ELK3: variants seen among roughly 807,000 people sequenced by gnomAD.
ELK3 encodes the protein ETS transcription factor ELK3, also known as ETS domain-containing protein Elk-3.
Under a neutral mutation model 28.9 loss-of-function variants are expected in ELK3, and 10 were observed. The ratio of observed to expected loss-of-function variants is 0.35; its 90% CI spans 0.21 to 0.59. The LOEUF is 0.59. Ranked by LOEUF, ELK3 falls within the 20% of genes least tolerant of loss-of-function variation. The pLI, the probability that ELK3 is intolerant of heterozygous loss-of-function variation, is 0.82. For missense variants in ELK3, 463 were observed against 517.3 expected, an observed-to-expected ratio of 0.90 and a Z score of 1.02; for synonymous variants, 272 against 243.5, an observed-to-expected ratio of 1.12 and a Z score of -1.09.
intron 1 of ELK3, among the ~76,000 whole-genome samples, chr12:96,207,809 AAAAG>A: frequency 6.6e-6 from 1 of 152,224 alleles, no homozygotes. Context: ...AAACTTCAGA[AAAAG>A]AAAGAAAAGA....
At chr12:96,194,733 T>A (rs1360447987) in intron 1 of ELK3, 28 bp downstream of exon 1, 1 of 148,248 alleles carries the variant, frequency 6.7e-6, no homozygotes, top group Admixed American at 6.7e-5. Flanking sequence ...TGCCTGTTGC[T>A]CGGACACTTA....
At chr12:96,258,369 A>G (rs1374407577) in intron 3 of ELK3, among the ~76,000 whole-genome samples, 2 of 152,266 alleles carry the variant, frequency 1.3e-5, no homozygotes, top group Non-Finnish European at 2.9e-5. Context: ...ATGTGTTTAC[A>G]TTTCAGCAGC....
intron 2 of ELK3, among the ~76,000 whole-genome samples, chr12:96,245,767 G>C (rs753089364): frequency 1.2e-4 from 18 of 152,180 alleles, no homozygotes; most frequent in Non-Finnish European, 2.2e-4. Context: ...CAGTGGGTTC[G>C]GCAGGGAATT....
At chr12:96,252,948 A>G (rs1336915840) in intron 3 of ELK3, among the ~76,000 whole-genome samples, 1 of 152,250 alleles carries the variant, frequency 6.6e-6, no homozygotes, top group East Asian at 1.9e-4. Context: ...CATGCCATAG[A>G]GAAATCTTTC....
At position 96,210,558 on chromosome 12, in the gene ELK3, G is replaced by GGC. The variant is rs751761668; in HGVS notation, c.-2-13004_-2-13003dup. On this transcript the variant is annotated intron_variant, in intron 1 of 4. Coordinates refer to ENST00000228741, the MANE Select transcript of ELK3 (RefSeq NM_005230.4). ...ATCCTGTTCCACCGCCCTGCGCGCG[G>GGC]GCGCACGCACACACACACACACACA... is the stretch of plus-strand genomic sequence containing the variant. 2.1e-3 allele frequency among the ~76,000 whole-genome samples: 128 copies of GGC among 62,138 alleles called. 1 individual carries two copies. The highest frequency in any genetic ancestry group is 0.021 in the Middle Eastern group (2 of 96). The allele number at this position is 62,138 out of a possible 152,430, so 40.8% of individuals were successfully genotyped here. A position where few individuals can be genotyped will look rare whatever the true frequency, so the allele number is the denominator to read the frequency against.
intron 1 of ELK3, among the ~76,000 whole-genome samples, chr12:96,215,311 T>C (rs1314670564): frequency 1.3e-5 from 2 of 152,182 alleles, no homozygotes; most frequent in African/African-American, 4.8e-5. Flanking sequence ...AAAAACCTCA[T>C]ACTTTGCATA....
chr12:96,218,913 G>T (rs1951642019), intron 1 of ELK3, among the ~76,000 whole-genome samples: 1 of 152,166 alleles, frequency 6.6e-6, no homozygotes, highest in Non-Finnish European at 1.5e-5. Flanking sequence ...CTCGCAAAGT[G>T]CTGGGATTAC....
In ELK3 at chr12:96,239,026, C is replaced by T. The variant is rs372743487; in HGVS notation, c.208-7914C>T. Among the ~76,000 whole-genome samples the T allele has an allele frequency of 4.0e-4, 61 of 152,240 alleles. No individual in the cohort carries two copies. In the South Asian group the frequency reaches 0.013, roughly 32 times the overall value. ...CAATTGGGTTCAAACTTCGGCTCCA[C>T]CAGTTACAAGCTGTGTGACCTTGGG... On this transcript the variant is annotated intron_variant, in intron 2 of 4. Transcript: ENST00000228741.
At position 96,268,349 on chromosome 12, in the gene ELK3, G is replaced by A. The variant is rs1023354368; in HGVS notation, c.*1169G>A. Reference sequence around the variant, plus strand: ...TGCTTTATGTATTACTAAAGTTAGGGGAGAATGAAGGAAATCTGACAGATG... The same window carrying A: ...TGCTTTATGTATTACTAAAGTTAGGAGAGAATGAAGGAAATCTGACAGATG... On this transcript the variant is annotated 3_prime_UTR_variant, in exon 5 of 5. Transcript: ENST00000228741. 4 of 152,194 alleles carry A rather than the reference G, an allele frequency of 2.6e-5. No individual in the cohort carries two copies. The highest frequency in any genetic ancestry group is 9.7e-5 in the African/African-American group (4 of 41,450). The allele number at this position is 152,194 out of a possible 1,614,324, so 9.4% of individuals were successfully genotyped here.
chr12:96,231,740 T>A (rs936171013), intron 2 of ELK3, among the ~76,000 whole-genome samples: 1 of 152,162 alleles, frequency 6.6e-6, no homozygotes, highest in Non-Finnish European at 1.5e-5. Flanking sequence ...CGCCTCGGCC[T>A]CCCAAAGCGC....
At chr12:96,258,214 A>G (rs971055454) in intron 3 of ELK3, among the ~76,000 whole-genome samples, 2 of 152,270 alleles carry the variant, frequency 1.3e-5, no homozygotes, top group Admixed American at 1.3e-4. Flanking sequence ...CTGTTAGGCC[A>G]GATGGCCTGG....
intron 2 of ELK3, among the ~76,000 whole-genome samples, chr12:96,242,111 G>A (rs2300551): frequency 0.071 from 10,757 of 152,262 alleles, 582 homozygotes; most frequent in East Asian, 0.17. Flanking sequence ...ACAAATACTT[G>A]TGAGTCTGGG....
chr12:96,234,299 C>T (rs1425995025), intron 2 of ELK3, among the ~76,000 whole-genome samples: 7 of 152,210 alleles, frequency 4.6e-5, no homozygotes, highest in Non-Finnish European at 1.0e-4. Context: ...GATGCTTCTG[C>T]GCCAGGGGCT....
chr12:96,257,835 A>G (rs1448022787), intron 3 of ELK3, among the ~76,000 whole-genome samples: 2 of 152,236 alleles, frequency 1.3e-5, no homozygotes, highest in Non-Finnish European at 2.9e-5. Context: ...TTCTCTGTAT[A>G]CAGTTGAGAA....
In ELK3 at chr12:96,247,298, A is replaced by G. The variant is rs1951864272; in HGVS notation, c.566A>G (p.Lys189Arg). 1 of 1,614,154 alleles carries G rather than the reference A, an allele frequency of 6.2e-7. No individual in the cohort carries two copies. The highest frequency in any genetic ancestry group is 8.5e-7 in the Non-Finnish European group (1 of 1,180,014). ...ACTGTGATCAGGTTTGTGACCAATA[A>G]AACCGACAAGCACGTCACCAGGCCG... ...VRTVIRFVTN[K>R]TDKHVTRPVV... is the part of the protein sequence containing the mutation. The change falls in exon 3 of 5, where the codon AAA (lysine) becomes AGA (arginine). Residue 189 changes from lysine (K) to arginine (R), a missense_variant. Lys to Arg is a conservative substitution (Grantham distance 26). Coordinates refer to ENST00000228741, the MANE Select transcript of ELK3 (RefSeq NM_005230.4). This position sits in a 1 kb window ranked among gnomAD's most constrained non-coding sequence, Gnocchi z 5.5.
At chr12:96,215,531 T>A (rs1366578107) in intron 1 of ELK3, among the ~76,000 whole-genome samples, 1 of 152,128 alleles carries the variant, frequency 6.6e-6, no homozygotes, top group African/African-American at 2.4e-5. Context: ...TGATCAATAT[T>A]TCTGTCAATA....
At chr12:96,257,698 C>T (rs1190899854) in intron 3 of ELK3, among the ~76,000 whole-genome samples, 1 of 152,178 alleles carries the variant, frequency 6.6e-6, no homozygotes, top group Non-Finnish European at 1.5e-5. Flanking sequence ...AACCTTGCTC[C>T]AGAGTAACAT....
At chr12:96,263,779 A>G (rs1010614630) in intron 4 of ELK3, among the ~76,000 whole-genome samples, 3 of 152,210 alleles carry the variant, frequency 2.0e-5, no homozygotes, top group Non-Finnish European at 2.9e-5. Flanking sequence ...GGAAGGGACC[A>G]GGTGATAGGA....
At chr12:96,264,310 T>C (rs1185946485) in intron 4 of ELK3, among the ~76,000 whole-genome samples, 1 of 152,124 alleles carries the variant, frequency 6.6e-6, no homozygotes, top group African/African-American at 2.4e-5. Flanking sequence ...CTACAAATAT[T>C]GAAGGGAGAA....
Sources: allele counts gnomAD v4.1 joint callset (sites outside exome capture counted in the v4.1 genomes callset), GRCh38; gene constraint gnomAD v4.1.1; non-coding constraint Gnocchi (gnomAD v3.1); transcripts MANE v1.5; gene names NCBI Gene and HGNC (gene_info 2026-07-23, HGNC 2026-07-21).